Variants in GPATCH8 observed in about 807,000 individuals in gnomAD.
The protein encoded by GPATCH8 is G patch domain-containing protein 8.
A neutral mutation model predicts 118.3 loss-of-function variants in GPATCH8; 18 were observed. The ratio of observed to expected loss-of-function variants is 0.15; its 90% CI spans 0.11 to 0.23. The LOEUF is 0.23. Ranked by LOEUF, GPATCH8 falls within the 10% of genes least tolerant of loss-of-function variation. The pLI, the probability that GPATCH8 is intolerant of heterozygous loss-of-function variation, is 1.00. For missense variants in GPATCH8, 1,631 were observed against 1,873.8 expected (o/e 0.87, Z 2.39); for synonymous variants, 659 against 684.7 (o/e 0.96, Z 0.59).
In GPATCH8 at chr17:44,435,144, TA is replaced by T; in HGVS notation, c.268del (p.Tyr90MetfsTer12). ...GMGRMEMELD[Y>X]AEDATERRRV... ...GCGCCGTTCGGTAGCATCTTCAGCA[TA>T]ATCAAGCTTGACAAAAATAGATATG... On this transcript the variant is annotated frameshift_variant, in exon 5 of 8. Coordinates refer to ENST00000591680, the MANE Select transcript of GPATCH8 (RefSeq NM_001002909.4). LOFTEE classifies it high-confidence loss of function. 2 of 1,446,470 alleles carry T rather than the reference TA, an allele frequency of 1.4e-6. No individual in the cohort carries two copies. The highest frequency in any genetic ancestry group is 1.9e-6 in the Non-Finnish European group (2 of 1,026,888). The allele number at this position is 1,446,470 out of a possible 1,614,324, so 89.6% of individuals were successfully genotyped here.
chr17:44,434,565 C>T (rs866071910), intron 5 of GPATCH8, among the ~76,000 whole-genome samples: 48 of 152,022 alleles, frequency 3.2e-4, no homozygotes, highest in African/African-American at 1.1e-3. Context: ...TTAGGCTTGG[C>T]GTGGTGGCTC....
At chr17:44,441,806 A>G (rs1017815861) in intron 3 of GPATCH8, among the ~76,000 whole-genome samples, 1 of 151,630 alleles carries the variant, frequency 6.6e-6, no homozygotes, top group Non-Finnish European at 1.5e-5. Context: ...AGGCGGGTGG[A>G]TCACCTGAGG....
intron 1 of GPATCH8, among the ~76,000 whole-genome samples, chr17:44,487,020 G>C (rs1349406469): frequency 6.6e-6 from 1 of 152,122 alleles, no homozygotes; most frequent in Admixed American, 6.6e-5. Context: ...ATCAGCCAAA[G>C]TCCATAGTAC....
chr17:44,428,201 A>G (rs2050158107), intron 5 of GPATCH8, among the ~76,000 whole-genome samples: 2 of 152,022 alleles, frequency 1.3e-5, no homozygotes, highest in Admixed American at 1.3e-4. Context: ...TCCTTCAAAA[A>G]GTACTCGTAG....
intron 2 of GPATCH8, among the ~76,000 whole-genome samples, chr17:44,466,785 G>A (rs1013205146): frequency 2.0e-5 from 3 of 152,116 alleles, no homozygotes; most frequent in African/African-American, 4.8e-5. Context: ...GGAAGGACAA[G>A]GATAGCAGAA....
At chr17:44,447,524 C>T (rs34090973) in intron 3 of GPATCH8, among the ~76,000 whole-genome samples, 91,681 of 151,926 alleles carry the variant, frequency 0.6, 27,866 homozygotes, top group Middle Eastern at 0.67. Flanking sequence ...CTTAGCTCTC[C>T]AATAAGAGAT....
intron 6 of GPATCH8, chr17:44,407,353 C>T (rs554413581): frequency 2.0e-5 from 3 of 152,010 alleles, no homozygotes; most frequent in East Asian, 1.9e-4. Flanking sequence ...CATTACTACA[C>T]GAGCTCTCTT....
rs182327207 is a variant in GPATCH8, at chr17:44,455,888, C to A, written c.193+8584G>T. On this transcript the variant is annotated intron_variant, in intron 3 of 7. Coordinates refer to ENST00000591680, the MANE Select transcript of GPATCH8 (RefSeq NM_001002909.4). Reference sequence around the variant, plus strand: ...TCAGCCTCCCGAGTAGCTGGGATTACAGGCACTCGCCACCATGCCCCGCTA... The same window carrying A: ...TCAGCCTCCCGAGTAGCTGGGATTAAAGGCACTCGCCACCATGCCCCGCTA... Among the ~76,000 whole-genome samples the A allele has an allele frequency of 8.3e-3, 1,254 of 151,938 alleles. 5 individuals are homozygous for A. Among genetic ancestry groups the A allele is most frequent in the Non-Finnish European group, 0.013 (871 of 67,916 alleles).
rs772857809 is a variant in GPATCH8 at position 44,399,422 on chromosome 17, T to A, written c.2655A>T (p.Arg885Ser). ...AGCTGTCATCAGAGTAACTGCGCTG[T>A]CTACTATAGCAGCTCTGGTCTGAAG... ...DASSDQSCYS[R>S]QRSYSDDSYS... Residue 885 changes from arginine to serine, a missense_variant, in exon 8 of 8, where the codon AGA (arginine) becomes AGT (serine). Physicochemically the swap from Arg to Ser is moderately radical, Grantham distance 110. Transcript: ENST00000591680. 6.2e-7 allele frequency: 1 copy of A among 1,614,064 alleles called. No individual in the cohort carries two copies. The highest frequency in any genetic ancestry group is 8.5e-7 in the Non-Finnish European group (1 of 1,179,898).
chr17:44,446,338 G>C (rs538446043), intron 3 of GPATCH8, among the ~76,000 whole-genome samples: 22 of 152,068 alleles, frequency 1.4e-4, no homozygotes, highest in African/African-American at 5.3e-4. Flanking sequence ...AGGCCGAGGC[G>C]GGCAGATCAC....
intron 6 of GPATCH8, among the ~76,000 whole-genome samples, chr17:44,420,035 A>G (rs1050733333): frequency 2.0e-5 from 3 of 146,690 alleles, no homozygotes; most frequent in Non-Finnish European, 4.4e-5. Flanking sequence ...CTTGTACTAC[A>G]TGGTTTTTTT....
At chr17:44,486,006 T>TA (rs2144439094) in intron 1 of GPATCH8, 1 of 152,324 alleles carries the variant, frequency 6.6e-6, no homozygotes, top group Admixed American at 6.5e-5. Flanking sequence ...CTGATTCTCC[T>TA]ACCTCAGCCC....
At chr17:44,477,910 A>C (rs2144396431) in intron 1 of GPATCH8, among the ~76,000 whole-genome samples, 1 of 152,014 alleles carries the variant, frequency 6.6e-6, no homozygotes. Context: ...CCCAGATTCA[A>C]GGGATTCTCC....
rs757977298 is a variant in GPATCH8, at chr17:44,398,096, A to G, written c.3981T>C (p.Ala1327=). The change falls in exon 8 of 8, where the codon GCT becomes GCC. Residue 1327 remains alanine (A), a synonymous_variant. Coordinates refer to ENST00000591680, the MANE Select transcript of GPATCH8 (RefSeq NM_001002909.4). ...MEKYSKLQQA[A]QQHIQQQLLA... ...GAAGCTGCTGCTGGATGTGTTGCTG[A>G]GCAGCCTGCTGGAGCTTGCTGTACT... 8 of 1,613,998 alleles carry G rather than the reference A, an allele frequency of 5.0e-6. No homozygotes were observed. In the South Asian group the frequency reaches 8.8e-5, roughly 18 times the overall value.
At chr17:44,404,930 G>C (rs1383859252) in intron 7 of GPATCH8, among the ~76,000 whole-genome samples, 2 of 152,132 alleles carry the variant, frequency 1.3e-5, no homozygotes, top group Non-Finnish European at 2.9e-5. Context: ...GGCGGAAGGA[G>C]AGATTTGTTA....
intron 1 of GPATCH8, among the ~76,000 whole-genome samples, chr17:44,498,929 G>A (rs181999013): frequency 6.6e-6 from 1 of 152,232 alleles, no homozygotes; most frequent in Admixed American, 6.5e-5. Context: ...TCTCAACTAA[G>A]AATTTCCTAA....
At chr17:44,411,872 C>T (rs1005913623) in intron 6 of GPATCH8, among the ~76,000 whole-genome samples, 1 of 152,040 alleles carries the variant, frequency 6.6e-6, no homozygotes, top group African/African-American at 2.4e-5. Flanking sequence ...GTAAAAGGAT[C>T]GCTTGAGGAC....
chr17:44,429,807 T>A (rs1337233051), intron 5 of GPATCH8, among the ~76,000 whole-genome samples: 5 of 150,958 alleles, frequency 3.3e-5, no homozygotes. Context: ...AAGGCTGCAG[T>A]GAGCTGAGAT....
intron 3 of GPATCH8, among the ~76,000 whole-genome samples, chr17:44,442,858 C>T (rs879562115): frequency 1.3e-5 from 2 of 152,164 alleles, no homozygotes; most frequent in Non-Finnish European, 2.9e-5. Flanking sequence ...CAGGAAGATG[C>T]CTTGAGGACA....
Sources: allele counts gnomAD v4.1 joint callset (sites outside exome capture counted in the v4.1 genomes callset), GRCh38; gene constraint gnomAD v4.1.1; transcripts MANE v1.5; gene names NCBI Gene and HGNC (gene_info 2026-07-23, HGNC 2026-07-21).